CHN2: variants seen among roughly 807,000 people sequenced by gnomAD.
CHN2 encodes the protein beta-chimaerin.
A neutral mutation model predicts 56.3 loss-of-function variants in CHN2; 35 were observed. The ratio of observed to expected loss-of-function variants is 0.62; its 90% CI spans 0.47 to 0.82. The LOEUF (loss-of-function observed/expected upper bound fraction) is 0.82, where lower values mean the gene tolerates loss of function less well. Among genes scored for constraint, CHN2 ranks in the 40% least tolerant of loss-of-function variants. CHN2 has a pLI of 0.00. For synonymous variants in CHN2, 210 were observed against 212.8 expected, an observed-to-expected ratio of 0.99 and a Z score of 0.12; for missense variants, 491 against 580.5, an observed-to-expected ratio of 0.85 and a Z score of 1.58.
chr7:29,181,520 T>C (rs1798050714), intron 2 of CHN2: 1 of 152,172 alleles, frequency 6.6e-6, no homozygotes, highest in African/African-American at 2.4e-5. Context: ...TTTCAATCAA[T>C]GGAGGAATAA....
chr7:29,324,967 C>T (rs149392988), intron 1 of CHN2, among the ~76,000 whole-genome samples: 1 of 152,262 alleles, frequency 6.6e-6, no homozygotes, highest in African/African-American at 2.4e-5. Context: ...TATTGAGCTA[C>T]CTGTCTCTGT....
chr7:29,379,216 C>T (rs79826316), intron 3 of CHN2, among the ~76,000 whole-genome samples: 2,350 of 152,264 alleles, frequency 0.015, 82 homozygotes, highest in African/African-American at 0.053. Flanking sequence ...AGTTACAAGA[C>T]GCAGGTGTTC....
chr7:29,500,786 G>A (rs962089957), intron 9 of CHN2, among the ~76,000 whole-genome samples: 4 of 152,248 alleles, frequency 2.6e-5, no homozygotes, highest in South Asian at 2.1e-4. Flanking sequence ...AATATTCATC[G>A]TTTATTTCGA....
chr7:29,260,380 G>T (rs150816401), intron 1 of CHN2, among the ~76,000 whole-genome samples: 6 of 152,282 alleles, frequency 3.9e-5, no homozygotes, highest in African/African-American at 1.4e-4. Flanking sequence ...TAGCGTACAT[G>T]TGATTAATTT....
chr7:29,427,946 C>T (rs1274942232), intron 6 of CHN2, among the ~76,000 whole-genome samples: 5 of 152,150 alleles, frequency 3.3e-5, no homozygotes, highest in Non-Finnish European at 7.4e-5. Context: ...TGAACCTCCG[C>T]ATCCGGCCAT....
rs145140622 is a variant in CHN2, at chr7:29,440,300, C to T, written c.576+39472C>T. 3.3e-3 allele frequency among the ~76,000 whole-genome samples: 502 copies of T among 152,120 alleles called. 4 individuals are homozygous for T. Among genetic ancestry groups the T allele is most frequent in the African/African-American group, 0.012 (489 of 41,462 alleles). ...AATGTTTGTGCAATTCAGTCTTTAG[C>T]CAATGGCAAAAGTAAAAGTAACAGT... On this transcript the variant is annotated intron_variant, in intron 6 of 12. Coordinates refer to ENST00000222792, the MANE Select transcript of CHN2 (RefSeq NM_004067.4).
rs541012159 is a variant in CHN2, at chr7:29,465,931, C to T, written c.577-14348C>T. 3.9e-5 allele frequency among the ~76,000 whole-genome samples: 6 copies of T among 152,312 alleles called. No individual in the cohort carries two copies. In the South Asian group the frequency reaches 1.2e-3, roughly 32 times the overall value. ...TTATTGAAATATTACAGGCCGAGCG[C>T]AGTGGCTCACGCCTGTGATCCCAGC... On this transcript the variant is annotated intron_variant, in intron 6 of 12. Coordinates refer to ENST00000222792, the MANE Select transcript of CHN2 (RefSeq NM_004067.4).
At chr7:29,322,627 A>G (rs902188593) in intron 1 of CHN2, among the ~76,000 whole-genome samples, 29 of 152,230 alleles carry the variant, frequency 1.9e-4, no homozygotes, top group African/African-American at 5.5e-4. Context: ...TAGGATTTCA[A>G]TACGGTTCTG....
At position 29,504,823 on chromosome 7, in the gene CHN2, T is replaced by A; in HGVS notation, c.991+2T>A. The A allele has an allele frequency of 6.2e-7, 1 of 1,609,372 alleles. No individual in the cohort carries two copies. Among genetic ancestry groups the A allele is most frequent in the Non-Finnish European group, 8.5e-7 (1 of 1,176,138 alleles). On this transcript the variant is annotated splice_donor_variant, in intron 10 of 12. Transcript: ENST00000222792. LOFTEE classifies it high-confidence loss of function. The stretch of plus-strand genomic sequence containing the variant: ...ATGTCAAAATGGCATTTGACAGAGG[T>A]AAGCTTGTACTTTCTTGAATGCCAT...
At chr7:29,178,543 G>T (rs245914) in intron 2 of CHN2, among the ~76,000 whole-genome samples, 25,593 of 151,976 alleles carry the variant, frequency 0.17, 2,203 homozygotes, top group African/African-American at 0.19. Context: ...TCCGAGAGAC[G>T]TTGCCTGACA....
At chr7:29,217,565 A>T (rs1456455484) in intron 1 of CHN2, among the ~76,000 whole-genome samples, 1 of 152,232 alleles carries the variant, frequency 6.6e-6, no homozygotes, top group East Asian at 1.9e-4. Flanking sequence ...ATAGAAAATT[A>T]ATCTTCATGA....
In CHN2 at chr7:29,195,039, C is replaced by CT. The variant is rs902528006; in HGVS notation, c.49+50dup. On this transcript the variant is annotated intron_variant, in intron 1 of 12. Transcript: ENST00000222792. ...TGCTGCCGCGCCGGGTCTCGCCCCACTGCCCTCGCCCCGCAGCCTGGGATG... is the reference window on the plus strand; with the variant it reads ...TGCTGCCGCGCCGGGTCTCGCCCCACTTGCCCTCGCCCCGCAGCCTGGGATG... 46 of 1,559,398 alleles carry CT rather than the reference C, an allele frequency of 2.9e-5. No homozygotes were observed. The African/African-American group carries it at 6.0e-4, about 20-fold the overall frequency.
intron 6 of CHN2, among the ~76,000 whole-genome samples, chr7:29,478,074 T>A (rs896540541): frequency 6.6e-6 from 1 of 152,136 alleles, no homozygotes; most frequent in East Asian, 1.9e-4. Flanking sequence ...AAAATGTGGA[T>A]AAAACACTAT....
intron 9 of CHN2, among the ~76,000 whole-genome samples, chr7:29,502,450 T>C (rs1017342050): frequency 2.0e-5 from 3 of 152,170 alleles, no homozygotes; most frequent in African/African-American, 7.2e-5. Flanking sequence ...TGCTCTCACA[T>C]GGGCCAGAGT....
intron 7 of CHN2, among the ~76,000 whole-genome samples, chr7:29,494,950 T>TAAAAAAAAA (rs5883217): frequency 0.032 from 2,078 of 64,462 alleles, 99 homozygotes; most frequent in Non-Finnish European, 0.045. Context: ...AAGCAGTTTG[T>TAAAAAAAAA]AAAAAAAAAA....
chr7:29,179,293 G>A (rs245915), intron 2 of CHN2, among the ~76,000 whole-genome samples: 1 of 152,042 alleles, frequency 6.6e-6, no homozygotes, highest in Non-Finnish European at 1.5e-5. Flanking sequence ...CCCATCCCAC[G>A]CCAAGTCATG....
chr7:29,307,413 C>CTG (rs1410749765), intron 1 of CHN2, among the ~76,000 whole-genome samples: 2 of 152,220 alleles, frequency 1.3e-5, no homozygotes, highest in African/African-American at 4.8e-5. Flanking sequence ...GGTATTCCTA[C>CTG]TGTGGTGAAC....
intron 6 of CHN2, among the ~76,000 whole-genome samples, chr7:29,443,219 C>A (rs145854234): frequency 0.042 from 6,446 of 152,112 alleles, 379 homozygotes; most frequent in African/African-American, 0.14. Flanking sequence ...GGATTACAGG[C>A]GTGAGCCACT....
At chr7:29,442,317 G>C (rs534894034) in intron 6 of CHN2, among the ~76,000 whole-genome samples, 134 of 152,264 alleles carry the variant, frequency 8.8e-4, no homozygotes, top group African/African-American at 2.6e-3. Context: ...GGTTACAGTG[G>C]CCTAAAAGCT....
Sources: gnomAD v4.1 joint callset for allele counts (sites outside exome capture counted in the v4.1 genomes callset) on GRCh38, gnomAD v4.1.1 for gene constraint, MANE v1.5 for transcripts, NCBI Gene and HGNC (gene_info 2026-07-23, HGNC 2026-07-21) for gene names.